Variants in ZNRF2 observed in about 807,000 individuals in gnomAD.
The protein encoded by ZNRF2 is zinc and ring finger 2.
Under a neutral mutation model 20.4 loss-of-function variants are expected in ZNRF2, and 16 were observed. The observed-to-expected ratio is 0.79, with a 90% confidence interval of 0.53 to 1.19. The LOEUF (loss-of-function observed/expected upper bound fraction) is 1.19, where lower values mean the gene tolerates loss of function less well. ZNRF2 is among the 50% of genes most tolerant of loss of function. The pLI, the probability that ZNRF2 is intolerant of heterozygous loss-of-function variation, is 0.00. For synonymous variants in ZNRF2, 178 were observed against 144.9 expected (o/e 1.23, Z -1.64); for missense variants, 363 against 332.4 (o/e 1.09, Z -0.72).
At chr7:30,317,302 T>C (rs1799391448) in intron 1 of ZNRF2, among the ~76,000 whole-genome samples, 1 of 120,406 alleles carries the variant, frequency 8.3e-6, no homozygotes, top group African/African-American at 3.1e-5. Context: ...GTATCAAATT[T>C]GGGAGATAAG....
chr7:30,342,182 A>G (rs1024610217), intron 2 of ZNRF2, among the ~76,000 whole-genome samples: 6 of 151,746 alleles, frequency 4.0e-5, no homozygotes, highest in African/African-American at 4.8e-5. Context: ...TCTTTATCCA[A>G]TTTGCCAGTC....
At chr7:30,291,263 T>C (rs553832799) in intron 1 of ZNRF2, among the ~76,000 whole-genome samples, 1 of 152,020 alleles carries the variant, frequency 6.6e-6, no homozygotes, top group South Asian at 2.1e-4. Context: ...TTGAAAGATT[T>C]TATAGTGCTG....
chr7:30,327,842 C>T (rs1230439973), intron 2 of ZNRF2, among the ~76,000 whole-genome samples: 3 of 152,066 alleles, frequency 2.0e-5, no homozygotes, highest in Admixed American at 2.0e-4. Flanking sequence ...GCTAGGACTA[C>T]AGGTGCATGC....
chr7:30,352,193 C>G (rs776953732), intron 2 of ZNRF2, among the ~76,000 whole-genome samples: 1 of 151,836 alleles, frequency 6.6e-6, no homozygotes, highest in South Asian at 2.1e-4. Context: ...CATTTTTGTT[C>G]GTGAGAATGG....
chr7:30,307,955 G>C (rs908123164), intron 1 of ZNRF2, among the ~76,000 whole-genome samples: 3 of 152,110 alleles, frequency 2.0e-5, no homozygotes, highest in African/African-American at 7.2e-5. Flanking sequence ...GAAGAGTAGA[G>C]TTAGAAAATG....
At chr7:30,306,654 C>A (rs1799210756) in intron 1 of ZNRF2, among the ~76,000 whole-genome samples, 1 of 152,042 alleles carries the variant, frequency 6.6e-6, no homozygotes, top group African/African-American at 2.4e-5. Flanking sequence ...ACTGGATAAT[C>A]CAATTGCTGT....
At position 30,297,413 on chromosome 7, in the gene ZNRF2, A is replaced by G. The variant is rs2128056781; in HGVS notation, c.469+11587A>G. ...CATTGTTTTTAGCCGATACAATTTC[A>G]TAGTTCCTACTGAGAAAGAATATGT... On this transcript the variant is annotated intron_variant, in intron 1 of 4. Transcript: ENST00000323037. Among the ~76,000 whole-genome samples the G allele has an allele frequency of 3.9e-5, 6 of 152,272 alleles. No homozygotes were observed. In the South Asian group the frequency reaches 6.2e-4, roughly 16 times the overall value.
chr7:30,342,803 T>G (rs966442474), intron 2 of ZNRF2, among the ~76,000 whole-genome samples: 1 of 151,834 alleles, frequency 6.6e-6, no homozygotes, highest in Non-Finnish European at 1.5e-5. Flanking sequence ...TAAGTAGTGG[T>G]TTTTTTTAGA....
At chr7:30,339,861 AC>A (rs1162700699) in intron 2 of ZNRF2, among the ~76,000 whole-genome samples, 2 of 152,020 alleles carry the variant, frequency 1.3e-5, no homozygotes, top group Non-Finnish European at 2.9e-5. Context: ...GGGTAGTATG[AC>A]CATTTTCACA....
At chr7:30,309,445 A>G (rs1023660307) in intron 1 of ZNRF2, among the ~76,000 whole-genome samples, 1 of 152,076 alleles carries the variant, frequency 6.6e-6, no homozygotes, top group Admixed American at 6.6e-5. Context: ...TAGACAGCTA[A>G]AAGACACCCT....
chr7:30,291,329 A>G (rs1188534440), intron 1 of ZNRF2, among the ~76,000 whole-genome samples: 1 of 152,204 alleles, frequency 6.6e-6, no homozygotes, highest in Non-Finnish European at 1.5e-5. Context: ...TGATTAGGCC[A>G]TTGGGCACAA....
chr7:30,365,607 G>GTATA (rs1800200934), intron 4 of ZNRF2, among the ~76,000 whole-genome samples: 1 of 152,134 alleles, frequency 6.6e-6, no homozygotes, highest in African/African-American at 2.4e-5. Context: ...TAGATTAAAG[G>GTATA]TATATGGGTT....
intron 2 of ZNRF2, among the ~76,000 whole-genome samples, chr7:30,346,170 A>ATTTTTTTTTTTTTTTTTTTTT (rs70980598): frequency 8.4e-5 from 2 of 23,676 alleles, no homozygotes; most frequent in East Asian, 1.9e-3. Flanking sequence ...GTTAAGTCTG[A>ATTTTTTTTTTTTTTTTTTTTT]TTTTTTTTTT....
At chr7:30,346,954 T>G (rs1799888423) in intron 2 of ZNRF2, among the ~76,000 whole-genome samples, 1 of 152,222 alleles carries the variant, frequency 6.6e-6, no homozygotes, top group Non-Finnish European at 1.5e-5. Flanking sequence ...TTATTTTCAG[T>G]GACTTTTTCA....
chr7:30,285,163 G>C lies in ZNRF2; in HGVS notation c.-195G>C, dbSNP rs1056163261. On this transcript the variant is annotated 5_prime_UTR_variant, in exon 1 of 5. Transcript: ENST00000323037. Reference sequence around the variant, plus strand: ...CTCCCGCGCCCGCGTCAGGCCGTCGGCCTCGCCCGCCGCCCCAAGAAGAGC... The same window carrying C: ...CTCCCGCGCCCGCGTCAGGCCGTCGCCCTCGCCCGCCGCCCCAAGAAGAGC... The C allele has an allele frequency of 4.7e-6, 2 of 421,288 alleles. No individual in the cohort carries two copies. Among genetic ancestry groups the C allele is most frequent in the African/African-American group, 4.4e-5 (2 of 45,856 alleles). 26.1% of individuals were successfully genotyped at this position (421,288 alleles called of 1,614,324 possible).
intron 3 of ZNRF2, among the ~76,000 whole-genome samples, chr7:30,362,008 A>G (rs1800134252): frequency 6.6e-6 from 1 of 152,216 alleles, no homozygotes; most frequent in South Asian, 2.1e-4. Context: ...TTTTTAATAC[A>G]TTTATAGGTG....
At chr7:30,298,920 T>G (rs1799062095) in intron 1 of ZNRF2, among the ~76,000 whole-genome samples, 1 of 152,218 alleles carries the variant, frequency 6.6e-6, no homozygotes, top group Non-Finnish European at 1.5e-5. Flanking sequence ...GCAGTGAAAA[T>G]TATTATTCTT....
At chr7:30,362,320 C>A in intron 3 of ZNRF2, 57 bp from the exon 4 acceptor site, 1 of 1,188,534 alleles carries the variant, frequency 8.4e-7, no homozygotes, top group South Asian at 1.8e-5. Flanking sequence ...CTGTGGCTCT[C>A]ATTATATAAA....
intron 2 of ZNRF2, 26 bp from the exon 3 acceptor site, chr7:30,355,702 C>G: frequency 1.3e-6 from 2 of 1,558,872 alleles, no homozygotes; most frequent in Non-Finnish European, 1.8e-6. Flanking sequence ...ATTTTATTGT[C>G]CTGAATTCAT....
Sources: allele counts gnomAD v4.1 joint callset (sites outside exome capture counted in the v4.1 genomes callset), GRCh38; gene constraint gnomAD v4.1.1; transcripts MANE v1.5; gene names NCBI Gene and HGNC (gene_info 2026-07-23, HGNC 2026-07-21).